The following RANBP9 variants were observed in gnomAD, a reference collection of about 807,000 sequenced individuals.
The protein encoded by RANBP9 is RAN binding protein 9.
Under a neutral mutation model 84.3 loss-of-function variants are expected in RANBP9, and 15 were observed. The ratio of observed to expected loss-of-function variants is 0.18; its 90% CI spans 0.12 to 0.27. The LOEUF (loss-of-function observed/expected upper bound fraction) is 0.27. Among genes scored for constraint, RANBP9 ranks in the 10% least tolerant of loss-of-function variants. The pLI is 1.00. For synonymous variants in RANBP9, 392 were observed against 349.6 expected (o/e 1.12, Z -1.35); for missense variants, 809 against 912.8 (o/e 0.89, Z 1.46).
intron 2 of RANBP9, among the ~76,000 whole-genome samples, chr6:13,692,527 C>CA (rs61237158): frequency 0.64 from 18,218 of 28,604 alleles, 6,787 homozygotes; most frequent in Non-Finnish European, 0.65. Context: ...AACTCCGTCT[C>CA]AAAAAAAAAA....
At position 13,669,049 on chromosome 6, in the gene RANBP9, G is replaced by A. The variant is rs542317924; in HGVS notation, c.684-10217C>T. ...AGTTCAACAAGACTACAAGATACAA[G>A]ATTAATATGCAAAAATCAGTTGTAT... On this transcript the variant is annotated intron_variant, in intron 2 of 13. Transcript: ENST00000011619. 2.0e-5 allele frequency among the ~76,000 whole-genome samples: 3 copies of A among 151,834 alleles called. No individual in the cohort carries two copies. In the South Asian group the frequency reaches 6.2e-4, roughly 32 times the overall value.
rs911664280 is a variant in RANBP9, at chr6:13,682,396, A to T, written c.683+14389T>A. 2.0e-4 allele frequency among the ~76,000 whole-genome samples: 25 copies of T among 128,152 alleles called. No individual in the cohort carries two copies. The East Asian group carries it at 2.5e-3, about 13-fold the overall frequency. 84.1% of individuals were successfully genotyped at this position (128,152 alleles called of 152,430 possible). A position where few individuals can be genotyped will look rare whatever the true frequency, so the allele number is the denominator to read the frequency against. On this transcript the variant is annotated intron_variant, in intron 2 of 13. Transcript: ENST00000011619. ...ATATTCTAAAGACTGAAGCAAAATT[A>T]AAAAAAAAAAAAAAAAAGACTGCAA...
chr6:13,652,508 G>T, intron 5 of RANBP9, 151 bp downstream of exon 5: 3 of 663,688 alleles, frequency 4.5e-6, no homozygotes, highest in Non-Finnish European at 2.4e-6. Context: ...CACCCAAGGT[G>T]GTTAGAGAAA....
At chr6:13,703,931 T>C (rs1254301874) in intron 1 of RANBP9, among the ~76,000 whole-genome samples, 2 of 152,216 alleles carry the variant, frequency 1.3e-5, no homozygotes, top group African/African-American at 4.8e-5. Flanking sequence ...TAATACAGTC[T>C]CCTTCACAAT....
intron 12 of RANBP9, among the ~76,000 whole-genome samples, chr6:13,631,852 C>A (rs1416700562): frequency 1.3e-5 from 2 of 152,184 alleles, no homozygotes; most frequent in African/African-American, 4.8e-5. Flanking sequence ...CCAGAAGAGA[C>A]TTTAAAATGT....
intron 12 of RANBP9, among the ~76,000 whole-genome samples, chr6:13,628,527 T>C (rs1429108352): frequency 1.3e-5 from 2 of 152,196 alleles, no homozygotes; most frequent in Non-Finnish European, 2.9e-5. Flanking sequence ...GAAACCAATA[T>C]GGATTAGACT....
chr6:13,693,920 G>C (rs1363788962), intron 2 of RANBP9, among the ~76,000 whole-genome samples: 1 of 152,034 alleles, frequency 6.6e-6, no homozygotes, highest in African/African-American at 2.4e-5. Flanking sequence ...GTGGGCGCCT[G>C]TAATCCCAGC....
At chr6:13,684,716 T>C (rs572885843) in intron 2 of RANBP9, among the ~76,000 whole-genome samples, 1 of 152,280 alleles carries the variant, frequency 6.6e-6, no homozygotes, top group East Asian at 1.9e-4. Flanking sequence ...GTGCCCTCCC[T>C]AAAGGGATAC....
chr6:13,627,984 T>C (rs1045823656), intron 12 of RANBP9, among the ~76,000 whole-genome samples: 7 of 151,582 alleles, frequency 4.6e-5, no homozygotes, highest in Non-Finnish European at 8.8e-5. Flanking sequence ...GAAAAAAAAA[T>C]ACTACTACAC....
At chr6:13,662,200 T>TA (rs1765550999) in intron 2 of RANBP9, among the ~76,000 whole-genome samples, 1 of 152,186 alleles carries the variant, frequency 6.6e-6, no homozygotes. Flanking sequence ...TTCAGAGTTT[T>TA]AAAATCTATC....
chr6:13,641,128 G>C lies in RANBP9; in HGVS notation c.1334+71C>G, dbSNP rs558100921. 18 of 990,246 alleles carry C rather than the reference G, an allele frequency of 1.8e-5. No individual in the cohort carries two copies. In the African/African-American group the frequency reaches 2.8e-4, roughly 15 times the overall value. 61.3% of individuals were successfully genotyped at this position (990,246 alleles called of 1,614,324 possible). ...ACTAAAATTACAAAAGCACGAAAAT[G>C]TCTTTTATTACATAACTTGACAAAT... On this transcript the variant is annotated intron_variant, in intron 8 of 13. Transcript: ENST00000011619.
rs70989878 is a variant in RANBP9 at position 13,666,600 on chromosome 6, CAAAAAAAAA to C, written c.684-7777_684-7769del. On this transcript the variant is annotated intron_variant, in intron 2 of 13. Coordinates refer to ENST00000011619, the MANE Select transcript of RANBP9 (RefSeq NM_005493.3). ...AGACCAGCCTGGGACCCCGTCTCTC[CAAAAAAAAA>C]AAAAAAAAAAAAAAAAAAAGATTGG... 1.6e-3 allele frequency among the ~76,000 whole-genome samples: 68 copies of C among 43,706 alleles called. 1 individual carries two copies. The Middle Eastern group carries it at 0.065, about 41-fold the overall frequency. The allele number at this position is 43,706 out of a possible 152,430, so 28.7% of individuals were successfully genotyped here. A position where few individuals can be genotyped will look rare whatever the true frequency, so the allele number is the denominator to read the frequency against.
chr6:13,679,180 T>G (rs1765969914), intron 2 of RANBP9, among the ~76,000 whole-genome samples: 2 of 152,202 alleles, frequency 1.3e-5, no homozygotes, highest in Non-Finnish European at 2.9e-5. Flanking sequence ...AAAACAGAAA[T>G]TCTTTCTTGC....
chr6:13,689,339 C>T (rs1190504297), intron 2 of RANBP9, among the ~76,000 whole-genome samples: 1 of 147,988 alleles, frequency 6.8e-6, no homozygotes, highest in Non-Finnish European at 1.5e-5. Flanking sequence ...GGTGTGATCT[C>T]GGCTCACTGC....
chr6:13,707,815 A>T (rs945432682), intron 1 of RANBP9, among the ~76,000 whole-genome samples: 2 of 152,258 alleles, frequency 1.3e-5, no homozygotes, highest in Admixed American at 1.3e-4. Flanking sequence ...GTCCATTGTC[A>T]TATTTATTAA....
rs1230826549 is a variant in RANBP9, at chr6:13,667,979, G to A, written c.684-9147C>T. 3.3e-5 allele frequency among the ~76,000 whole-genome samples: 5 copies of A among 151,886 alleles called. No individual in the cohort carries two copies. In the East Asian group the frequency reaches 7.7e-4, roughly 23 times the overall value. ...TGAACTAAACCCAAAGCAGGTAGCA[G>A]AAAAGGAATTATAAAGATTAGGGGA... On this transcript the variant is annotated intron_variant, in intron 2 of 13. Transcript: ENST00000011619.
At chr6:13,691,858 G>A (rs1294600036) in intron 2 of RANBP9, among the ~76,000 whole-genome samples, 1 of 152,020 alleles carries the variant, frequency 6.6e-6, no homozygotes, top group Non-Finnish European at 1.5e-5. Context: ...GTAGAGACGG[G>A]GTTTCACTAT....
intron 1 of RANBP9, among the ~76,000 whole-genome samples, chr6:13,708,912 A>G (rs1372563869): frequency 6.6e-6 from 1 of 152,144 alleles, no homozygotes; most frequent in Non-Finnish European, 1.5e-5. Flanking sequence ...GACAAGGGGT[A>G]AGAGAGAGAC....
intron 12 of RANBP9, 70 bp downstream of exon 12, chr6:13,632,300 C>CA (rs1764809103): frequency 6.7e-7 from 1 of 1,496,020 alleles, no homozygotes; most frequent in Non-Finnish European, 9.1e-7. Context: ...GTACACTGCT[C>CA]AGTGTTTCAC....
Sources: allele counts gnomAD v4.1 joint callset (sites outside exome capture counted in the v4.1 genomes callset), GRCh38; gene constraint gnomAD v4.1.1; transcripts MANE v1.5; gene names NCBI Gene and HGNC (gene_info 2026-07-23, HGNC 2026-07-21).